MCM2: variants seen among roughly 807,000 people sequenced by gnomAD.
MCM2 encodes DNA replication licensing factor MCM2.
Under a neutral mutation model 86.4 loss-of-function variants are expected in MCM2, and 49 were observed. The ratio of observed to expected loss-of-function variants is 0.57; its 90% CI spans 0.45 to 0.72. The LOEUF is 0.72. MCM2 is among the 30% of genes least tolerant of loss of function. The pLI is 0.00. For missense variants in MCM2, 1,038 were observed against 1,259.9 expected (o/e 0.82, Z 2.67); for synonymous variants, 475 against 484.6 (o/e 0.98, Z 0.26).
chr3:127,603,020 GT>G (rs374635321), intron 2 of MCM2, among the ~76,000 whole-genome samples: 4 of 148,840 alleles, frequency 2.7e-5, no homozygotes, highest in South Asian at 2.2e-4. Context: ...CTTTTCTTTT[GT>G]TTTTTTTTTG....
Position 127,618,965 on chromosome 3 carries a change from A to G in MCM2, c.2014-62A>G. The stretch of plus-strand genomic sequence containing the variant: ...GGGCACACTCAGCCCTTCTCCAGCC[A>G]CTGACCTCCCCAAAGCCACGCACAC... On this transcript the variant is annotated intron_variant, in intron 12 of 15. Transcript: ENST00000265056. This position sits in a 1 kb window ranked among gnomAD's most constrained non-coding sequence, Gnocchi z 4.0. 2.7e-6 allele frequency: 4 copies of G among 1,488,546 alleles called. No individual in the cohort carries two copies. The highest frequency in any genetic ancestry group is 2.7e-6 in the Non-Finnish European group (3 of 1,115,256). The allele number at this position is 1,488,546 out of a possible 1,614,324, so 92.2% of individuals were successfully genotyped here. A position where few individuals can be genotyped will look rare whatever the true frequency, so the allele number is the denominator to read the frequency against.
intron 8 of MCM2, among the ~76,000 whole-genome samples, chr3:127,613,450 T>C (rs928447675): frequency 6.6e-6 from 1 of 152,150 alleles, no homozygotes; most frequent in Non-Finnish European, 1.5e-5. Context: ...AATTTCTAGA[T>C]AGCAATGTTC....
Position 127,621,159 on chromosome 3 carries a change from A to G in MCM2, c.2535A>G (p.Thr845=), listed in dbSNP as rs146246663. The change falls in exon 15 of 16, where the codon ACA becomes ACG. Residue 845 remains threonine (T), a synonymous_variant. Transcript: ENST00000265056. ...ILKQLVAEQV[T]YQRNRFGAQQ... ...AGCAGTTAGTGGCAGAGCAGGTGACATATCAGCGCAACCGCTTTGGGGCCC... is the reference window on the plus strand; with the variant it reads ...AGCAGTTAGTGGCAGAGCAGGTGACGTATCAGCGCAACCGCTTTGGGGCCC... 18 of 1,614,096 alleles carry G rather than the reference A, an allele frequency of 1.1e-5. No homozygotes were observed. Among genetic ancestry groups the G allele is most frequent in the African/African-American group, 9.3e-5 (7 of 74,932 alleles).
chr3:127,615,260 G>GA (rs2074424998), intron 8 of MCM2, among the ~76,000 whole-genome samples: 1 of 152,188 alleles, frequency 6.6e-6, no homozygotes, highest in Non-Finnish European at 1.5e-5. Flanking sequence ...CTACAAGCAA[G>GA]AAATGTCTTT....
intron 1 of MCM2, chr3:127,598,882 GTC>G (rs1238182658): frequency 5.8e-6 from 2 of 347,822 alleles, no homozygotes; most frequent in East Asian, 1.1e-4. Flanking sequence ...CTTGTATACT[GTC>G]TGTTCCACAT....
Position 127,599,314 on chromosome 3 carries a change from G to T in MCM2, c.7-4G>T, listed in dbSNP as rs780348993. ...GTTTCTGACAACCGCACCTTCTCTT[G>T]CAGGAATCATCGGAATCCTTCACCA... On this transcript the variant is annotated splice_polypyrimidine_tract_variant and splice_region_variant and intron_variant, in intron 1 of 15. Transcript: ENST00000265056. 2 of 1,613,768 alleles carry T rather than the reference G, an allele frequency of 1.2e-6. No homozygotes were observed. The highest frequency in any genetic ancestry group is 1.3e-5 in the African/African-American group (1 of 75,046).
Position 127,604,792 on chromosome 3 carries a change from A to G in MCM2, c.412+9A>G, listed in dbSNP as rs199977654. Reference sequence around the variant, plus strand: ...CCGTGGGCTCCTGTATGGTAGGTCCAGTTGTCTGCCTGCCCGAGGGACTGG... The same window carrying G: ...CCGTGGGCTCCTGTATGGTAGGTCCGGTTGTCTGCCTGCCCGAGGGACTGG... On this transcript the variant is annotated intron_variant, in intron 3 of 15. Coordinates refer to ENST00000265056, the MANE Select transcript of MCM2 (RefSeq NM_004526.4). The G allele has an allele frequency of 8.7e-5, 138 of 1,580,556 alleles. No homozygotes were observed. The African/African-American group carries it at 1.7e-3, about 19-fold the overall frequency.
At chr3:127,600,582 T>A (rs2074300475) in intron 2 of MCM2, among the ~76,000 whole-genome samples, 1 of 152,168 alleles carries the variant, frequency 6.6e-6, no homozygotes, top group African/African-American at 2.4e-5. Flanking sequence ...TTTGCTATTA[T>A]CAGTACCACC....
chr3:127,608,579 T>C, intron 7 of MCM2, 63 bp downstream of exon 7: 1 of 1,599,008 alleles, frequency 6.3e-7, no homozygotes, highest in Non-Finnish European at 8.5e-7. Flanking sequence ...GAAGCAGTTG[T>C]GGCTGGGCCG....
At chr3:127,604,304 G>T in intron 2 of MCM2, 2 of 339,444 alleles carry the variant, frequency 5.9e-6, no homozygotes, top group East Asian at 9.9e-5. Context: ...AACCATATAG[G>T]ATTTGTCCTT....
intron 8 of MCM2, among the ~76,000 whole-genome samples, chr3:127,609,583 C>T (rs2074377366): frequency 6.6e-6 from 1 of 151,772 alleles, no homozygotes. Flanking sequence ...GCTGGGCTTA[C>T]AGGTGTGAGC....
intron 8 of MCM2, among the ~76,000 whole-genome samples, chr3:127,611,780 G>T (rs2074399568): frequency 8.7e-6 from 1 of 114,506 alleles, no homozygotes; most frequent in Non-Finnish European, 1.6e-5. Context: ...CTCACTGCAA[G>T]CTCCGCCTCC....
rs141149976 is a variant in MCM2 at position 127,617,497 on chromosome 3, G to A, written c.1900+92G>A. ...GGAGCCCACGGGGTCCCCAGGAGCC[G>A]ATCTGAGGAAGTCATTGTGCAGCAG... On this transcript the variant is annotated intron_variant, in intron 11 of 15. Coordinates refer to ENST00000265056, the MANE Select transcript of MCM2 (RefSeq NM_004526.4). This position sits in a 1 kb window ranked among gnomAD's most constrained non-coding sequence, Gnocchi z 4.1. The A allele has an allele frequency of 9.3e-4, 1,348 of 1,452,144 alleles. 9 individuals are homozygous for A. In the African/African-American group the frequency reaches 0.017, roughly 18 times the overall value. The allele number at this position is 1,452,144 out of a possible 1,614,324, so 90.0% of individuals were successfully genotyped here.
In MCM2 at chr3:127,611,682, CTTTTTTTTTTTTTTTTT is replaced by C. The variant is rs59607211; in HGVS notation, c.1428+2677_1428+2693del. Among the ~76,000 whole-genome samples, 193 of 54,258 alleles carry C rather than the reference CTTTTTTTTTTTTTTTTT, an allele frequency of 3.6e-3. 2 individuals carry two copies. Among genetic ancestry groups the C allele is most frequent in the Non-Finnish European group, 4.4e-3 (142 of 32,016 alleles). 35.6% of individuals were successfully genotyped at this position (54,258 alleles called of 152,430 possible). A position where few individuals can be genotyped will look rare whatever the true frequency, so the allele number is the denominator to read the frequency against. ...AAGCCCTGCAGGCTTCTGCAGCTGACTTTTTTTTTTTTTTTTTTTTTTTTTTTTTTTTTTGAGACGGA... is the reference window on the plus strand; with the variant it reads ...AAGCCCTGCAGGCTTCTGCAGCTGACTTTTTTTTTTTTTTTTTGAGACGGA... On this transcript the variant is annotated intron_variant, in intron 8 of 15. Transcript: ENST00000265056.
chr3:127,618,936 T>C lies in MCM2; in HGVS notation c.2014-91T>C. On this transcript the variant is annotated intron_variant, in intron 12 of 15. Transcript: ENST00000265056. The surrounding 1 kb of genome is among the most constrained non-coding windows in gnomAD (Gnocchi z 4.0). ...AGTCTTGTTGAAAGAGTGTCACCCT[T>C]GTAGGGCACACTCAGCCCTTCTCCA... The C allele has an allele frequency of 7.3e-7, 1 of 1,363,174 alleles. No homozygotes were observed. The highest frequency in any genetic ancestry group is 9.8e-7 in the Non-Finnish European group (1 of 1,019,264). 84.4% of individuals were successfully genotyped at this position (1,363,174 alleles called of 1,614,324 possible).
intron 6 of MCM2, among the ~76,000 whole-genome samples, chr3:127,607,381 G>A (rs1018294720): frequency 2.6e-5 from 4 of 152,228 alleles, no homozygotes; most frequent in Admixed American, 6.5e-5. Flanking sequence ...CTGTGGTGGC[G>A]CCCAGGCCCC....
At chr3:127,610,414 G>T (rs539469889) in intron 8 of MCM2, among the ~76,000 whole-genome samples, 31 of 152,308 alleles carry the variant, frequency 2.0e-4, no homozygotes, top group Non-Finnish European at 3.4e-4. Flanking sequence ...CAGGCTGCAG[G>T]TTAGCTGATT....
At chr3:127,610,928 A>G (rs1451170152) in intron 8 of MCM2, 1 of 456,600 alleles carries the variant, frequency 2.2e-6, no homozygotes, top group East Asian at 6.9e-5. Context: ...GCTTCAGTTC[A>G]GCCAACACAC....
intron 1 of MCM2, chr3:127,599,043 G>A: frequency 1.8e-6 from 1 of 541,674 alleles, no homozygotes; most frequent in East Asian, 3.2e-5. Flanking sequence ...AACCTCAGTG[G>A]TTTTTCATGG....
Sources: allele counts gnomAD v4.1 joint callset (sites outside exome capture counted in the v4.1 genomes callset), GRCh38; gene constraint gnomAD v4.1.1; non-coding constraint Gnocchi (gnomAD v3.1); transcripts MANE v1.5; gene names NCBI Gene and HGNC (gene_info 2026-07-23, HGNC 2026-07-21).